Variants in NWD1 observed in about 807,000 individuals in gnomAD.
NWD1 encodes NACHT domain- and WD repeat-containing protein 1.
Under a neutral mutation model 135.1 loss-of-function variants are expected in NWD1, and 129 were observed. The observed-to-expected ratio is 0.96, with a 90% CI of 0.83 to 1.11. The LOEUF (loss-of-function observed/expected upper bound fraction) is 1.11. Ranked by LOEUF, NWD1 falls within the 50% of genes least tolerant of loss-of-function variation. The pLI, the probability that NWD1 is intolerant of heterozygous loss-of-function variation, is 0.00. For missense variants in NWD1, 1,740 were observed against 1,851.3 expected, an observed-to-expected ratio of 0.94 and a Z score of 1.10; for synonymous variants, 773 against 786.0, an observed-to-expected ratio of 0.98 and a Z score of 0.28.
At chr19:16,771,649 T>A (rs1176639538) in intron 10 of NWD1, among the ~76,000 whole-genome samples, 2 of 152,074 alleles carry the variant, frequency 1.3e-5, no homozygotes, top group Non-Finnish European at 2.9e-5. Flanking sequence ...CTCAGCAAGT[T>A]CCCTGCAAAG....
At chr19:16,810,488 TTA>T (rs1268992924) in intron 18 of NWD1, among the ~76,000 whole-genome samples, 1 of 142,912 alleles carries the variant, frequency 7.0e-6, no homozygotes, top group Non-Finnish European at 1.5e-5. Context: ...TAAGTCTAGA[TTA>T]GGCACAGCAA....
Position 16,808,016 on chromosome 19 carries a change from C to A in NWD1, c.4167C>A (p.Ser1389Arg), listed in dbSNP as rs1223295573. ...CGTTTCCCTTGGAGACCCACAGGAG[C>A]CGAGTTGCCTGTGTGGAGGTCAGCC... ...SKAFPLETHR[S>R]RVACVEVSHK... The change falls in exon 18 of 19, where the codon AGC becomes AGA. Residue 1389 changes from serine to arginine, a missense_variant. Coordinates refer to ENST00000524140, the MANE Select transcript of NWD1 (RefSeq NM_001007525.5). The A allele has an allele frequency of 6.2e-7, 1 of 1,614,096 alleles. No homozygotes were observed. Among genetic ancestry groups the A allele is most frequent in the Non-Finnish European group, 8.5e-7 (1 of 1,179,980 alleles).
chr19:16,814,492 T>C (rs1369680435), intron 18 of NWD1, among the ~76,000 whole-genome samples: 1 of 152,238 alleles, frequency 6.6e-6, no homozygotes, highest in Non-Finnish European at 1.5e-5. Context: ...TTAGGAGACT[T>C]GCCCAAGGTC....
intron 17 of NWD1, among the ~76,000 whole-genome samples, chr19:16,803,747 A>G (rs1444139483): frequency 6.7e-6 from 1 of 148,314 alleles, no homozygotes; most frequent in East Asian, 2.0e-4. Context: ...CGAAACCCCA[A>G]CTCTACTTAA....
chr19:16,746,567 G>C (rs1968325528), intron 5 of NWD1, among the ~76,000 whole-genome samples: 1 of 152,044 alleles, frequency 6.6e-6, no homozygotes, highest in Admixed American at 6.6e-5. Flanking sequence ...CAGCTACTCG[G>C]GAGGCTGAGG....
At chr19:16,735,348 AC>A (rs1186909928) in intron 3 of NWD1, among the ~76,000 whole-genome samples, 1 of 151,868 alleles carries the variant, frequency 6.6e-6, no homozygotes, top group African/African-American at 2.4e-5. Context: ...TAATAAAGAT[AC>A]AAAAAAATTA....
intron 10 of NWD1, among the ~76,000 whole-genome samples, chr19:16,766,638 T>C (rs1969235642): frequency 6.6e-6 from 1 of 151,778 alleles, no homozygotes; most frequent in African/African-American, 2.4e-5. Context: ...CAGGCTAGAG[T>C]ACAGTGGCAT....
chr19:16,745,237 T>C, intron 5 of NWD1: 2 of 348,542 alleles, frequency 5.7e-6, no homozygotes, highest in Non-Finnish European at 1.1e-5. Flanking sequence ...GAGAACAGTA[T>C]GGGGGAAACT....
chr19:16,773,570 C>T (rs944734928), intron 11 of NWD1, among the ~76,000 whole-genome samples: 8 of 152,088 alleles, frequency 5.3e-5, no homozygotes, highest in Non-Finnish European at 1.0e-4. Flanking sequence ...TCCAAGCTTC[C>T]CATCTCCAAG....
intron 5 of NWD1, among the ~76,000 whole-genome samples, chr19:16,746,297 T>C (rs1968312039): frequency 2.0e-5 from 3 of 150,980 alleles, no homozygotes; most frequent in Non-Finnish European, 4.4e-5. Context: ...GAGGCGGAGA[T>C]TGCAGTGAAC....
intron 2 of NWD1, among the ~76,000 whole-genome samples, chr19:16,725,783 C>G (rs1338761218): frequency 6.6e-6 from 1 of 151,756 alleles, no homozygotes; most frequent in Non-Finnish European, 1.5e-5. Context: ...GAACTCATGA[C>G]CTCAAGTGAT....
intron 6 of NWD1, 132 bp downstream of exon 6, chr19:16,750,543 C>A: frequency 1.5e-6 from 1 of 646,288 alleles, no homozygotes; most frequent in South Asian, 2.8e-5. Flanking sequence ...CAGTCTCCAA[C>A]TCCCAGGCTC....
intron 1 of NWD1, among the ~76,000 whole-genome samples, chr19:16,723,668 A>G (rs1252821039): frequency 6.8e-6 from 1 of 147,434 alleles, no homozygotes; most frequent in Non-Finnish European, 1.5e-5. Context: ...CCTATTTTAC[A>G]GCTTTTTCTG....
chr19:16,810,677 C>T (rs367752961), intron 18 of NWD1, among the ~76,000 whole-genome samples: 8 of 151,904 alleles, frequency 5.3e-5, no homozygotes, highest in East Asian at 1.9e-4. Context: ...GTGGGAGGAT[C>T]GATTGAGCCC....
chr19:16,800,671 T>G (rs911953771), intron 17 of NWD1, among the ~76,000 whole-genome samples: 1 of 152,112 alleles, frequency 6.6e-6, no homozygotes, highest in Non-Finnish European at 1.5e-5. Context: ...CGTTTCCTGG[T>G]TCACAGATGG....
intron 13 of NWD1, among the ~76,000 whole-genome samples, chr19:16,791,080 T>A (rs1223969355): frequency 6.6e-6 from 1 of 151,518 alleles, no homozygotes; most frequent in African/African-American, 2.4e-5. Context: ...AAAACAAATT[T>A]AAAAATAGCC....
At chr19:16,740,245 A>T (rs1427986355) in intron 4 of NWD1, among the ~76,000 whole-genome samples, 2 of 152,074 alleles carry the variant, frequency 1.3e-5, no homozygotes, top group Non-Finnish European at 1.5e-5. Flanking sequence ...GTGGCAGTGA[A>T]CTATGATTGT....
At chr19:16,808,549 A>AAAAAG (rs537771096) in intron 18 of NWD1, among the ~76,000 whole-genome samples, 2,171 of 151,956 alleles carry the variant, frequency 0.014, 28 homozygotes, top group African/African-American at 0.039. Flanking sequence ...CGTTTAAAAA[A>AAAAAG]AAAAGAAAAG....
At chr19:16,809,906 C>G (rs1970872063) in intron 18 of NWD1, among the ~76,000 whole-genome samples, 1 of 152,032 alleles carries the variant, frequency 6.6e-6, no homozygotes, top group Admixed American at 6.6e-5. Context: ...AAACCTCTGC[C>G]AGGACCCCTT....
Sources: allele counts gnomAD v4.1 joint callset (sites outside exome capture counted in the v4.1 genomes callset), GRCh38; gene constraint gnomAD v4.1.1; transcripts MANE v1.5; gene names NCBI Gene and HGNC (gene_info 2026-07-23, HGNC 2026-07-21).